RGS21: variants seen among roughly 807,000 people sequenced by gnomAD.
RGS21 encodes the protein regulator of G-protein signalling 21.
Under a neutral mutation model 18.7 loss-of-function variants are expected in RGS21, and 19 were observed. The observed-to-expected ratio is 1.01, with a 90% CI of 0.71 to 1.49. RGS21 has a LOEUF of 1.49. RGS21 is among the 40% of genes most tolerant of loss of function. The pLI is 0.00. For synonymous variants in RGS21, 56 were observed against 57.8 expected (o/e 0.97, Z 0.14); for missense variants, 194 against 176.8 (o/e 1.10, Z -0.55).
chr1:192,347,995 C>T (rs1462963139), intron 3 of RGS21, among the ~76,000 whole-genome samples: 3 of 135,464 alleles, frequency 2.2e-5, no homozygotes, highest in African/African-American at 3.1e-5. Flanking sequence ...TGTGTGTATA[C>T]ACACATACAC....
At chr1:192,365,821 T>C in intron 4 of RGS21, 100 bp from the exon 5 acceptor site, 2 of 647,156 alleles carry the variant, frequency 3.1e-6, no homozygotes, top group South Asian at 2.0e-5. Context: ...TTGCATCAGA[T>C]TTGCTTTGTG....
chr1:192,337,196 A>C lies in RGS21; in HGVS notation c.-60-5781A>C, dbSNP rs550421643. Among the ~76,000 whole-genome samples, 3 of 152,116 alleles carry C rather than the reference A, an allele frequency of 2.0e-5. No homozygotes were observed. In the South Asian group the frequency reaches 6.2e-4, roughly 32 times the overall value. ...TAGGCATCAGTGCCCCGAAATATTA[A>C]GAGAATCTTAGTACCATCTCAAATA... On this transcript the variant is annotated intron_variant, in intron 1 of 4. Transcript: ENST00000417209.
chr1:192,317,538 G>A lies in RGS21; in HGVS notation c.-61+433G>A, dbSNP rs527340625. 3.5e-4 allele frequency among the ~76,000 whole-genome samples: 53 copies of A among 151,772 alleles called. No individual in the cohort carries two copies. The South Asian group carries it at 6.8e-3, about 20-fold the overall frequency. On this transcript the variant is annotated intron_variant, in intron 1 of 4. Coordinates refer to ENST00000417209, the MANE Select transcript of RGS21 (RefSeq NM_001039152.3). Reference sequence around the variant, plus strand: ...ATAACATCTTTCTCAAGGACACACAGCAGGTGGCCAATTACCATACCTGAA... The same window carrying A: ...ATAACATCTTTCTCAAGGACACACAACAGGTGGCCAATTACCATACCTGAA...
At chr1:192,339,825 T>A (rs1252134715) in intron 1 of RGS21, among the ~76,000 whole-genome samples, 2 of 152,144 alleles carry the variant, frequency 1.3e-5, no homozygotes, top group Non-Finnish European at 2.9e-5. Context: ...AGCTCTAAAG[T>A]GGTTTATGAG....
At chr1:192,341,015 C>T (rs1287586498) in intron 1 of RGS21, among the ~76,000 whole-genome samples, 3 of 152,062 alleles carry the variant, frequency 2.0e-5, no homozygotes, top group Non-Finnish European at 2.9e-5. Flanking sequence ...ATCAGTCTCA[C>T]TGGGTCAAAA....
intron 4 of RGS21, among the ~76,000 whole-genome samples, chr1:192,357,582 T>TA (rs928274296): frequency 5.9e-5 from 9 of 151,902 alleles, no homozygotes; most frequent in Non-Finnish European, 1.0e-4. Context: ...GGCTTAGAGA[T>TA]AAAATGATGA....
chr1:192,345,905 C>T (rs1027211808), intron 2 of RGS21, among the ~76,000 whole-genome samples: 1 of 151,794 alleles, frequency 6.6e-6, no homozygotes, highest in Non-Finnish European at 1.5e-5. Context: ...ATAGAGTACA[C>T]AAAATATCTT....
intron 1 of RGS21, among the ~76,000 whole-genome samples, chr1:192,317,810 G>A (rs1658440878): frequency 6.6e-6 from 1 of 151,824 alleles, no homozygotes. Flanking sequence ...GCATCTTCAT[G>A]TCACTCTAAG....
intron 1 of RGS21, among the ~76,000 whole-genome samples, chr1:192,325,431 T>C (rs1658555980): frequency 6.6e-6 from 1 of 152,112 alleles, no homozygotes; most frequent in South Asian, 2.1e-4. Flanking sequence ...TGCATGTGTC[T>C]TTTCGGTAGA....
At chr1:192,324,750 T>TTTATTA (rs1658543371) in intron 1 of RGS21, among the ~76,000 whole-genome samples, 3 of 152,084 alleles carry the variant, frequency 2.0e-5, no homozygotes, top group African/African-American at 2.4e-5. Context: ...TTTATTCATA[T>TTTATTA]TTATTAAACA....
Position 192,332,589 on chromosome 1 carries a change from G to T in RGS21, c.-60-10388G>T, listed in dbSNP as rs543907565. ...GACATCAAGAGCACAATTCATAAAA[G>T]AAACAACAATAAATTGAACTTTACC... On this transcript the variant is annotated intron_variant, in intron 1 of 4. Transcript: ENST00000417209. 5.9e-5 allele frequency among the ~76,000 whole-genome samples: 9 copies of T among 152,198 alleles called. No individual in the cohort carries two copies. In the East Asian group the frequency reaches 1.7e-3, roughly 29 times the overall value.
chr1:192,363,980 C>T (rs1458729402), intron 4 of RGS21, among the ~76,000 whole-genome samples: 3 of 152,090 alleles, frequency 2.0e-5, no homozygotes, highest in African/African-American at 7.2e-5. Flanking sequence ...AACAGACACT[C>T]AAAATTTTTT....
chr1:192,362,876 G>C (rs957609501), intron 4 of RGS21, among the ~76,000 whole-genome samples: 9 of 152,022 alleles, frequency 5.9e-5, no homozygotes, highest in African/African-American at 2.2e-4. Flanking sequence ...TATTTATTGA[G>C]TTCTTACAGT....
At chr1:192,362,233 G>C (rs962998902) in intron 4 of RGS21, among the ~76,000 whole-genome samples, 1 of 152,112 alleles carries the variant, frequency 6.6e-6, no homozygotes, top group African/African-American at 2.4e-5. Flanking sequence ...TGTGATAAAA[G>C]TTATATTTTG....
rs367760823 is a variant in RGS21, at chr1:192,325,516, C to A, written c.-61+8411C>A. Among the ~76,000 whole-genome samples the A allele has an allele frequency of 6.6e-5, 10 of 152,116 alleles. No individual in the cohort carries two copies. In the South Asian group the frequency reaches 1.0e-3, roughly 16 times the overall value. On this transcript the variant is annotated intron_variant, in intron 1 of 4. Coordinates refer to ENST00000417209, the MANE Select transcript of RGS21 (RefSeq NM_001039152.3). ...TCAAATGGTAGTTCTGTTTTAAGTT[C>A]TTTGAGAAATCTCCAAACTGCATGG...
At chr1:192,358,435 C>T (rs1659139372) in intron 4 of RGS21, among the ~76,000 whole-genome samples, 1 of 151,772 alleles carries the variant, frequency 6.6e-6, no homozygotes, top group Admixed American at 6.6e-5. Context: ...TTTAATGATG[C>T]CAAAATGAAG....
intron 2 of RGS21, among the ~76,000 whole-genome samples, chr1:192,344,093 A>G (rs1658912765): frequency 6.6e-6 from 1 of 152,128 alleles, no homozygotes; most frequent in Non-Finnish European, 1.5e-5. Flanking sequence ...ACAAGCTTTA[A>G]GAATTCATGA....
intron 1 of RGS21, among the ~76,000 whole-genome samples, chr1:192,333,267 A>ACAC (rs1212347917): frequency 3.1e-5 from 3 of 96,024 alleles, no homozygotes; most frequent in African/African-American, 5.5e-5. Flanking sequence ...CAGTTTCTTA[A>ACAC]ATACACACAC....
rs563045654 is a variant in RGS21 at position 192,328,185 on chromosome 1, C to A, written c.-61+11080C>A. Among the ~76,000 whole-genome samples, 230 of 152,230 alleles carry A rather than the reference C, an allele frequency of 1.5e-3. 1 individual carries two copies. Among genetic ancestry groups the A allele is most frequent in the African/African-American group, 5.3e-3 (221 of 41,542 alleles). On this transcript the variant is annotated intron_variant, in intron 1 of 4. Transcript: ENST00000417209. The stretch of plus-strand genomic sequence containing the variant: ...ATCCTTTAACTGTATTCTTAATCAC[C>A]ACATATGCATGCCAGGCTGGGCATG...
Sources: allele counts gnomAD v4.1 joint callset (sites outside exome capture counted in the v4.1 genomes callset), GRCh38; gene constraint gnomAD v4.1.1; transcripts MANE v1.5; gene names NCBI Gene and HGNC (gene_info 2026-07-23, HGNC 2026-07-21).